RAC2: variants seen among roughly 807,000 people sequenced by gnomAD.
RAC2 encodes ras-related C3 botulinum toxin substrate 2.
A neutral mutation model predicts 24.0 loss-of-function variants in RAC2; 1 was observed. The ratio of observed to expected loss-of-function variants is 0.04; its 90% CI spans 0.01 to 0.20. The LOEUF (loss-of-function observed/expected upper bound fraction) is 0.20, where lower values mean the gene tolerates loss of function less well. Among genes scored for constraint, RAC2 ranks in the 10% least tolerant of loss-of-function variants. The pLI, the probability that RAC2 is intolerant of heterozygous loss-of-function variation, is 1.00. For synonymous variants in RAC2, 114 were observed against 106.8 expected, an observed-to-expected ratio of 1.07 and a Z score of -0.41; for missense variants, 130 against 259.1, an observed-to-expected ratio of 0.50 and a Z score of 3.42.
chr22:37,230,019 G>C (rs1927006885), intron 5 of RAC2, among the ~76,000 whole-genome samples: 1 of 152,188 alleles, frequency 6.6e-6, no homozygotes, highest in Non-Finnish European at 1.5e-5. Context: ...GGTTGGAGGG[G>C]TGCTGGTTGG....
At chr22:37,233,422 ACAGGCATGCACCACCACGCC>A (rs745622344) in intron 2 of RAC2, among the ~76,000 whole-genome samples, 6 of 152,196 alleles carry the variant, frequency 3.9e-5, no homozygotes, top group Admixed American at 1.3e-4. Flanking sequence ...AGCTGGGATT[ACAGGCATGCACCACCACGCC>A]CAGCTAATTT....
chr22:37,232,687 G>A, intron 3 of RAC2, 114 bp downstream of exon 3: 1 of 832,590 alleles, frequency 1.2e-6, no homozygotes, highest in South Asian at 1.4e-5. Flanking sequence ...CCCTGAGCTG[G>A]GCCTTAAGGG....
At position 37,231,516 on chromosome 22, in the gene RAC2, G is replaced by A; in HGVS notation, c.289-126C>T. ...GCAGCAAGTTGCCAGAAGATCAGAGGTGGGCACGACGGTGAGGAGAGAGAG... is the reference window on the plus strand; with the variant it reads ...GCAGCAAGTTGCCAGAAGATCAGAGATGGGCACGACGGTGAGGAGAGAGAG... On this transcript the variant is annotated intron_variant, in intron 4 of 6. Coordinates refer to ENST00000249071, the MANE Select transcript of RAC2 (RefSeq NM_002872.5). The surrounding 1 kb of genome is among the most constrained non-coding windows in gnomAD (Gnocchi z 5.5). 6.8e-6 allele frequency: 6 copies of A among 885,684 alleles called. No individual in the cohort carries two copies. Among genetic ancestry groups the A allele is most frequent in the Non-Finnish European group, 1.1e-5 (6 of 560,450 alleles). 54.9% of individuals were successfully genotyped at this position (885,684 alleles called of 1,614,324 possible).
At chr22:37,240,909 G>C (rs9607434) in intron 2 of RAC2, 85,805 of 659,694 alleles carry the variant, frequency 0.13, 6,179 homozygotes, top group East Asian at 0.24. Flanking sequence ...GGGTCCGGAG[G>C]AGGCAGAGTG....
At chr22:37,227,702 C>T (rs1198536772) in intron 5 of RAC2, among the ~76,000 whole-genome samples, 3 of 147,976 alleles carry the variant, frequency 2.0e-5, no homozygotes, top group East Asian at 4.0e-4. Context: ...TGCCGTACAC[C>T]CCCTCCCAAG....
intron 2 of RAC2, among the ~76,000 whole-genome samples, chr22:37,239,450 G>A (rs1029961464): frequency 4.6e-5 from 7 of 152,106 alleles, no homozygotes; most frequent in African/African-American, 1.7e-4. Context: ...AGGTAGATCT[G>A]GTCGGGCCTA....
intron 3 of RAC2, chr22:37,232,324 G>C (rs2145824473): frequency 2.1e-6 from 1 of 465,852 alleles, no homozygotes; most frequent in Admixed American, 3.4e-5. Flanking sequence ...CTCTGGTGAG[G>C]GGAGGATCTG....
rs56278411 is a variant in RAC2, at chr22:37,239,384, G to A, written c.107+2203C>T. ...TGTGCAATTGGATAGGTGGCCACAC[G>A]CATAGAGCTGGCCCTACTGGGATAC... On this transcript the variant is annotated intron_variant, in intron 2 of 6. Coordinates refer to ENST00000249071, the MANE Select transcript of RAC2 (RefSeq NM_002872.5). 4.8e-3 allele frequency among the ~76,000 whole-genome samples: 733 copies of A among 152,338 alleles called. 1 individual carries two copies. Among genetic ancestry groups the A allele is most frequent in the Non-Finnish European group, 7.2e-3 (488 of 68,032 alleles).
intron 1 of RAC2, among the ~76,000 whole-genome samples, chr22:37,242,896 G>T (rs768574401): frequency 2.9e-4 from 44 of 152,270 alleles, no homozygotes; most frequent in Non-Finnish European, 5.3e-4. Context: ...CTGGACAGGA[G>T]GCCCCCTTCC....
chr22:37,233,837 C>T (rs975600330), intron 2 of RAC2, among the ~76,000 whole-genome samples: 2 of 152,086 alleles, frequency 1.3e-5, no homozygotes, highest in African/African-American at 2.4e-5. Context: ...GTGCTCAGGG[C>T]GTCCCCAGAG....
At position 37,241,190 on chromosome 22, in the gene RAC2, C is replaced by T. The variant is rs140909410; in HGVS notation, c.107+397G>A. 1.7e-3 allele frequency: 1,349 copies of T among 776,962 alleles called. 10 individuals carry two copies. In the African/African-American group the frequency reaches 0.019, roughly 11 times the overall value. 48.1% of individuals were successfully genotyped at this position (776,962 alleles called of 1,614,324 possible). On this transcript the variant is annotated intron_variant, in intron 2 of 6. Coordinates refer to ENST00000249071, the MANE Select transcript of RAC2 (RefSeq NM_002872.5). ...GCCTGCAGACAGCTCTGTTCCACCC[C>T]TCAGCATGCCTTGTCCCCAGGTGTC...
At chr22:37,234,543 G>A (rs554559004) in intron 2 of RAC2, among the ~76,000 whole-genome samples, 16 of 152,154 alleles carry the variant, frequency 1.1e-4, no homozygotes, top group African/African-American at 2.7e-4. Flanking sequence ...CACTTTTCCC[G>A]CTGTGGTCCC....
chr22:37,228,663 T>A (rs975276875), intron 5 of RAC2, among the ~76,000 whole-genome samples: 1 of 152,134 alleles, frequency 6.6e-6, no homozygotes, highest in African/African-American at 2.4e-5. Flanking sequence ...AGTTCCCATT[T>A]CACAGACCAG....
chr22:37,242,782 G>C (rs141074733), intron 1 of RAC2, among the ~76,000 whole-genome samples: 1 of 152,218 alleles, frequency 6.6e-6, no homozygotes, highest in Non-Finnish European at 1.5e-5. Flanking sequence ...AAATGGGCCC[G>C]CCCCCACCTA....
At chr22:37,243,173 AT>A (rs1231838193) in intron 1 of RAC2, among the ~76,000 whole-genome samples, 1 of 152,034 alleles carries the variant, frequency 6.6e-6, no homozygotes. Context: ...GCTTAAAAAA[AT>A]TTTTTTATAG....
chr22:37,227,518 C>T (rs1364688795), intron 5 of RAC2, among the ~76,000 whole-genome samples: 1 of 77,374 alleles, frequency 1.3e-5, no homozygotes, highest in Non-Finnish European at 2.4e-5. Flanking sequence ...ATGCCATACA[C>T]CCCTCCCACG....
chr22:37,241,211 G>A (rs1328410162), intron 2 of RAC2: 11 of 773,144 alleles, frequency 1.4e-5, no homozygotes, highest in Non-Finnish European at 2.2e-5. Flanking sequence ...TTGTCCCCAG[G>A]TGTCCCTGTT....
chr22:37,244,230 G>C lies in RAC2; in HGVS notation c.-82C>G. 3.3e-6 allele frequency: 5 copies of C among 1,513,536 alleles called. No individual in the cohort carries two copies. Among genetic ancestry groups the C allele is most frequent in the Non-Finnish European group, 4.5e-6 (5 of 1,101,216 alleles). 93.8% of individuals were successfully genotyped at this position (1,513,536 alleles called of 1,614,324 possible). ...GCGGGCGCAAGGGGTGTGGAGGCTG[G>C]TGAGGCGCCTGCTGAGGAGCAGCGG... is the stretch of plus-strand genomic sequence containing the variant. On this transcript the variant is annotated 5_prime_UTR_variant, in exon 1 of 7. Coordinates refer to ENST00000249071, the MANE Select transcript of RAC2 (RefSeq NM_002872.5).
Position 37,231,126 on chromosome 22 carries a change from A to C in RAC2, c.448+105T>G. ...GCAAGTGCACAGCACAGCTGAGTTC[A>C]AACTGCACAGCCTGGCCCTGCAGCC... On this transcript the variant is annotated intron_variant, in intron 5 of 6. Coordinates refer to ENST00000249071, the MANE Select transcript of RAC2 (RefSeq NM_002872.5). This position sits in a 1 kb window ranked among gnomAD's most constrained non-coding sequence, Gnocchi z 5.5. 2 of 1,417,210 alleles carry C rather than the reference A, an allele frequency of 1.4e-6. No individual in the cohort carries two copies. The highest frequency in any genetic ancestry group is 2.0e-6 in the Non-Finnish European group (2 of 1,011,714). 87.8% of individuals were successfully genotyped at this position (1,417,210 alleles called of 1,614,324 possible). A position where few individuals can be genotyped will look rare whatever the true frequency, so the allele number is the denominator to read the frequency against.
Sources: gnomAD v4.1 joint callset for allele counts (sites outside exome capture counted in the v4.1 genomes callset) on GRCh38, gnomAD v4.1.1 for gene constraint, Gnocchi (gnomAD v3.1) non-coding constraint, MANE v1.5 for transcripts, NCBI Gene and HGNC (gene_info 2026-07-23, HGNC 2026-07-21) for gene names.